The following ATP6V0A4 variants were observed in gnomAD, a reference collection of about 807,000 sequenced individuals.
ATP6V0A4 encodes ATPase H+ transporting V0 subunit a4, also known as V-type proton ATPase 116 kDa subunit a 4.
Under a neutral mutation model 107.3 loss-of-function variants are expected in ATP6V0A4, and 86 were observed. The observed-to-expected ratio is 0.80, with a 90% CI of 0.67 to 0.96. The LOEUF is 0.96. Among genes scored for constraint, ATP6V0A4 ranks in the 40% least tolerant of loss-of-function variants. The probability of loss-of-function intolerance (pLI) is 0.00; values close to 1 mark genes in which losing one functional copy is unlikely to be tolerated. For synonymous variants in ATP6V0A4, 353 were observed against 381.4 expected (o/e 0.93, Z 0.87); for missense variants, 908 against 1,045.6 (o/e 0.87, Z 1.81).
chr7:138,746,507 A>AT (rs568581159), intron 13 of ATP6V0A4, among the ~76,000 whole-genome samples: 18,189 of 145,110 alleles, frequency 0.13, 1,278 homozygotes, highest in African/African-American at 0.2. Context: ...CATTGCAGAT[A>AT]TTTTTTTTTT....
intron 12 of ATP6V0A4, among the ~76,000 whole-genome samples, chr7:138,748,493 G>A (rs1027132636): frequency 3.9e-5 from 6 of 152,034 alleles, no homozygotes; most frequent in East Asian, 1.9e-4. Context: ...TGCAATCTCC[G>A]CCTCCTGGAT....
chr7:138,745,341 A>T, intron 13 of ATP6V0A4, 61 bp from the exon 14 acceptor site: 1 of 1,609,992 alleles, frequency 6.2e-7, no homozygotes, highest in South Asian at 1.1e-5. Flanking sequence ...CCCCAGAGGG[A>T]AGCGTTCTAC....
chr7:138,788,846 C>T (rs901938399), intron 1 of ATP6V0A4, among the ~76,000 whole-genome samples: 2 of 152,188 alleles, frequency 1.3e-5, no homozygotes, highest in Non-Finnish European at 2.9e-5. Flanking sequence ...TGTGCCTTTG[C>T]TTCTCCTTTG....
At chr7:138,781,834 T>C (rs1211446259) in intron 2 of ATP6V0A4, among the ~76,000 whole-genome samples, 10 of 61,208 alleles carry the variant, frequency 1.6e-4, no homozygotes, top group South Asian at 1.1e-3. Flanking sequence ...TTTCTCTGTC[T>C]CTCTCTCTCT....
intron 13 of ATP6V0A4, among the ~76,000 whole-genome samples, chr7:138,746,321 A>G (rs1326826961): frequency 6.6e-6 from 1 of 151,872 alleles, no homozygotes; most frequent in African/African-American, 2.4e-5. Context: ...AATACTGAAT[A>G]ATGTGTGTCA....
intron 20 of ATP6V0A4, among the ~76,000 whole-genome samples, chr7:138,711,091 T>G (rs1803716179): frequency 6.8e-6 from 1 of 146,978 alleles, no homozygotes. Flanking sequence ...CCACCCCCAC[T>G]TCCCTACCCG....
At chr7:138,761,645 T>A (rs570801111) in intron 7 of ATP6V0A4, among the ~76,000 whole-genome samples, 12,115 of 98,892 alleles carry the variant, frequency 0.12, 580 homozygotes, top group Middle Eastern at 0.19. Context: ...AAAAAAAAAA[T>A]TCAAACTCCA....
chr7:138,758,739 A>ATTTTTTTTTTTTTTTTTTTTTTT (rs398006555), intron 8 of ATP6V0A4, among the ~76,000 whole-genome samples: 1 of 59,176 alleles, frequency 1.7e-5, no homozygotes, highest in Admixed American at 3.3e-4. Context: ...CTGACTCAGA[A>ATTTTTTTTTTTTTTTTTTTTTTT]TTTTTTTTTT....
rs191202791 is a variant in ATP6V0A4, at chr7:138,728,677, G to A, written c.2010+84C>T. 1.1e-5 allele frequency: 17 copies of A among 1,583,878 alleles called. No homozygotes were observed. The African/African-American group carries it at 1.5e-4, about 14-fold the overall frequency. ...TCTTCTGGCCCTGGCAGCCCAGGACGATTCTCTCTAAACCCAAGATTCATC... is the reference window on the plus strand; with the variant it reads ...TCTTCTGGCCCTGGCAGCCCAGGACAATTCTCTCTAAACCCAAGATTCATC... On this transcript the variant is annotated intron_variant, in intron 18 of 21. Coordinates refer to ENST00000310018, the MANE Select transcript of ATP6V0A4 (RefSeq NM_020632.3).
intron 2 of ATP6V0A4, among the ~76,000 whole-genome samples, chr7:138,778,455 T>C (rs1807771654): frequency 6.8e-6 from 1 of 147,796 alleles, no homozygotes; most frequent in South Asian, 2.2e-4. Context: ...TATATGCAAA[T>C]ATTCCAAAAT....
At chr7:138,747,367 C>A in intron 13 of ATP6V0A4, 58 bp downstream of exon 13, 1 of 1,571,698 alleles carries the variant, frequency 6.4e-7, no homozygotes, top group South Asian at 1.1e-5. Flanking sequence ...GTGAAAACCA[C>A]ATACAGATTT....
Position 138,781,971 on chromosome 7 carries a change from C to T in ATP6V0A4, c.-18+4187G>A, listed in dbSNP as rs574305210. ...GGGATTACAGGTATGAGCCACTGCACCTGGACCCCAATAATTCTTAACAGT... is the reference window on the plus strand; with the variant it reads ...GGGATTACAGGTATGAGCCACTGCATCTGGACCCCAATAATTCTTAACAGT... On this transcript the variant is annotated intron_variant, in intron 2 of 21. Transcript: ENST00000310018. Among the ~76,000 whole-genome samples, 4 of 151,902 alleles carry T rather than the reference C, an allele frequency of 2.6e-5. No homozygotes were observed. In the South Asian group the frequency reaches 8.4e-4, roughly 32 times the overall value.
chr7:138,769,317 T>TC, intron 3 of ATP6V0A4, 66 bp from the exon 4 acceptor site: 1 of 1,519,038 alleles, frequency 6.6e-7, no homozygotes, highest in East Asian at 2.3e-5. Context: ...TCTTTCTTTT[T>TC]TTTTTTTTTT....
chr7:138,708,017 T>TTTTATTTA (rs377141085), intron 21 of ATP6V0A4, among the ~76,000 whole-genome samples: 3,858 of 139,960 alleles, frequency 0.028, 65 homozygotes, highest in South Asian at 0.051. Flanking sequence ...TTATGTTTTA[T>TTTTATTTA]TTTATTTATT....
intron 13 of ATP6V0A4, among the ~76,000 whole-genome samples, chr7:138,745,905 C>T (rs1396177147): frequency 1.1e-5 from 1 of 91,252 alleles, no homozygotes; most frequent in Non-Finnish European, 2.3e-5. Context: ...GATTGCCCCA[C>T]TGCCCTCCGG....
intron 1 of ATP6V0A4, among the ~76,000 whole-genome samples, chr7:138,789,550 C>T (rs1469233586): frequency 6.6e-6 from 1 of 151,588 alleles, no homozygotes; most frequent in African/African-American, 2.4e-5. Flanking sequence ...GCCTGGCCAG[C>T]TTGTTTTTTT....
At chr7:138,709,950 G>T (rs1803656939) in intron 20 of ATP6V0A4, 155 bp from the exon 21 acceptor site, 2 of 475,604 alleles carry the variant, frequency 4.2e-6, no homozygotes, top group East Asian at 1.5e-4. Flanking sequence ...CTGGCCTGAA[G>T]CAATCCTCCT....
At chr7:138,770,971 A>C (rs1366207560) in intron 3 of ATP6V0A4, among the ~76,000 whole-genome samples, 160 bp downstream of exon 3, 1 of 152,192 alleles carries the variant, frequency 6.6e-6, no homozygotes, top group African/African-American at 2.4e-5. Context: ...GGTCATGACA[A>C]ATCCTAGCCA....
At chr7:138,715,380 C>T (rs567267520) in intron 20 of ATP6V0A4, among the ~76,000 whole-genome samples, 1 of 152,140 alleles carries the variant, frequency 6.6e-6, no homozygotes, top group South Asian at 2.1e-4. Context: ...TTTGTATTTT[C>T]AGTAGAGACG....
Sources: gnomAD v4.1 joint callset for allele counts (sites outside exome capture counted in the v4.1 genomes callset) on GRCh38, gnomAD v4.1.1 for gene constraint, MANE v1.5 for transcripts, NCBI Gene and HGNC (gene_info 2026-07-23, HGNC 2026-07-21) for gene names.